USP38: variants seen among roughly 807,000 people sequenced by gnomAD.
The protein encoded by USP38 is ubiquitin carboxyl-terminal hydrolase 38.
In USP38, 49 loss-of-function variants were observed where a neutral mutation model predicts 94.3. The observed-to-expected ratio is 0.52, with a 90% CI of 0.41 to 0.66. USP38 has a LOEUF of 0.66. Among genes scored for constraint, USP38 ranks in the 30% least tolerant of loss-of-function variants. The probability of loss-of-function intolerance (pLI) is 0.00; values close to 1 mark genes in which losing one functional copy is unlikely to be tolerated. For synonymous variants in USP38, 468 were observed against 463.6 expected (o/e 1.01, Z -0.12); for missense variants, 1,128 against 1,229.4 (o/e 0.92, Z 1.23).
At chr4:143,189,321 T>C (rs1016380097) in intron 2 of USP38, among the ~76,000 whole-genome samples, 6 of 152,100 alleles carry the variant, frequency 3.9e-5, no homozygotes, top group African/African-American at 1.2e-4. Context: ...TTTTTGTGTC[T>C]GTCTGTTCTT....
chr4:143,192,267 C>T (rs1358866294), intron 2 of USP38, among the ~76,000 whole-genome samples: 2 of 152,114 alleles, frequency 1.3e-5, no homozygotes, highest in African/African-American at 4.8e-5. Context: ...TATTTATGAA[C>T]AACAGAAATT....
rs769469452 is a variant in USP38, at chr4:143,206,140, A to G, written c.1317A>G (p.Lys439=). 3.1e-6 allele frequency: 5 copies of G among 1,613,806 alleles called. No homozygotes were observed. In the East Asian group the frequency reaches 8.9e-5, roughly 29 times the overall value. The change falls in exon 6 of 10, where the codon AAA becomes AAG. Residue 439 remains lysine (K), a synonymous_variant. Transcript: ENST00000307017. ...LASCLSRLSG[K]SETGKTGLIN... ...CTTGCTTGTCTAGACTTTCTGGAAA[A>G]TCTGAAACTGGGAAAACTGGTCTTA...
chr4:143,220,566 T>C lies in USP38; in HGVS notation c.*110T>C. 9.1e-7 allele frequency: 1 copy of C among 1,096,012 alleles called. No individual in the cohort carries two copies. The highest frequency in any genetic ancestry group is 1.2e-6 in the Non-Finnish European group (1 of 832,312). 67.9% of individuals were successfully genotyped at this position (1,096,012 alleles called of 1,614,324 possible). A position where few individuals can be genotyped will look rare whatever the true frequency, so the allele number is the denominator to read the frequency against. On this transcript the variant is annotated 3_prime_UTR_variant, in exon 10 of 10. Transcript: ENST00000307017. ...TTTATTTTTCATTAGACCCTTATAC[T>C]TCAAGAGAACACACTCAGTGCTTGT...
intron 2 of USP38, among the ~76,000 whole-genome samples, chr4:143,193,556 T>C (rs930578581): frequency 2.0e-5 from 3 of 152,216 alleles, no homozygotes; most frequent in African/African-American, 7.2e-5. Flanking sequence ...TAATCACTTG[T>C]AACCATCATT....
At chr4:143,201,332 G>C (rs923623874) in intron 4 of USP38, among the ~76,000 whole-genome samples, 1 of 152,170 alleles carries the variant, frequency 6.6e-6, no homozygotes. Context: ...GCCATATGAA[G>C]AAGATTGAAG....
intron 8 of USP38, 143 bp from the exon 9 acceptor site, chr4:143,213,438 T>A (rs1732083027): frequency 1.0e-6 from 1 of 963,058 alleles, no homozygotes; most frequent in South Asian, 2.3e-5. Flanking sequence ...ACTGTTCAAT[T>A]TTCTTTTAAT....
intron 2 of USP38, among the ~76,000 whole-genome samples, chr4:143,194,230 G>A (rs1011063161): frequency 2.6e-5 from 4 of 152,174 alleles, no homozygotes; most frequent in African/African-American, 4.8e-5. Context: ...GTGGAAGAGA[G>A]GCATTCACAA....
At chr4:143,194,154 T>C (rs1235921045) in intron 2 of USP38, among the ~76,000 whole-genome samples, 2 of 152,268 alleles carry the variant, frequency 1.3e-5, no homozygotes, top group Non-Finnish European at 2.9e-5. Flanking sequence ...ATTTATGTCC[T>C]TAGTGTTTAT....
At chr4:143,199,662 A>C (rs1347749282) in intron 4 of USP38, among the ~76,000 whole-genome samples, 1 of 151,978 alleles carries the variant, frequency 6.6e-6, no homozygotes. Flanking sequence ...TTGACTTTTT[A>C]ATGATAGCCA....
rs530519401 is a variant in USP38 at position 143,214,994 on chromosome 4, C to T, written c.2967+51C>T. On this transcript the variant is annotated intron_variant, in intron 9 of 9. Coordinates refer to ENST00000307017, the MANE Select transcript of USP38 (RefSeq NM_032557.6). ...TGTTGAAAATATTAAACAATTGACA[C>T]AGTTAAATGAGTACCCTCATTTTGA... 4.6e-5 allele frequency: 69 copies of T among 1,516,308 alleles called. No individual in the cohort carries two copies. The East Asian group carries it at 1.1e-3, about 24-fold the overall frequency. The allele number at this position is 1,516,308 out of a possible 1,614,324, so 93.9% of individuals were successfully genotyped here.
chr4:143,213,788 G>A lies in USP38; in HGVS notation c.1812G>A (p.Arg604=). The change falls in exon 9 of 10, where the codon AGG becomes AGA. Residue 604 remains arginine, a synonymous_variant. Transcript: ENST00000307017. ...LRTHIRCLNC[R]STSQKVEAFT... ...CTCACATACGTTGTTTGAACTGCAG[G>A]AGTACCTCACAAAAAGTGGAAGCCT... 6.2e-7 allele frequency: 1 copy of A among 1,613,798 alleles called. No homozygotes were observed. Among genetic ancestry groups the A allele is most frequent in the East Asian group, 2.2e-5 (1 of 44,864 alleles).
intron 7 of USP38, among the ~76,000 whole-genome samples, chr4:143,211,642 C>T (rs1732027361): frequency 6.6e-6 from 1 of 152,144 alleles, no homozygotes; most frequent in African/African-American, 2.4e-5. Context: ...CAAGAGAATT[C>T]CAAAGTTTCA....
At chr4:143,204,200 A>G (rs1302421185) in intron 5 of USP38, among the ~76,000 whole-genome samples, 1 of 151,950 alleles carries the variant, frequency 6.6e-6, no homozygotes, top group African/African-American at 2.4e-5. Context: ...GGCTGGTCTG[A>G]AACTCCTGAC....
chr4:143,186,451 G>A (rs1227118651), intron 1 of USP38, among the ~76,000 whole-genome samples: 1 of 152,182 alleles, frequency 6.6e-6, no homozygotes, highest in Non-Finnish European at 1.5e-5. Flanking sequence ...ACTGCAGAAA[G>A]CTTCCATTCA....
At chr4:143,206,471 C>G (rs1346170128) in intron 6 of USP38, among the ~76,000 whole-genome samples, 1 of 152,108 alleles carries the variant, frequency 6.6e-6, no homozygotes, top group Non-Finnish European at 1.5e-5. Flanking sequence ...GGGTGGATAG[C>G]TTGAGGTCAG....
chr4:143,216,690 A>G (rs1218113686), intron 9 of USP38, among the ~76,000 whole-genome samples: 1 of 152,066 alleles, frequency 6.6e-6, no homozygotes, highest in Non-Finnish European at 1.5e-5. Flanking sequence ...TACCCAGGCT[A>G]GTCTCAAACT....
rs1233328542 is a variant in USP38, at chr4:143,185,012, C to G, written c.-439C>G. ...CAGCGCCTCCTGACTCAGCCCAGGA[C>G]CGGCTTCTTCTCACGACCTGCTGGA... On this transcript the variant is annotated 5_prime_UTR_variant, in exon 1 of 10. Coordinates refer to ENST00000307017, the MANE Select transcript of USP38 (RefSeq NM_032557.6). 6.1e-6 allele frequency: 1 copy of G among 163,712 alleles called. No homozygotes were observed. Among genetic ancestry groups the G allele is most frequent in the Non-Finnish European group, 1.3e-5 (1 of 76,310 alleles). The allele number at this position is 163,712 out of a possible 1,614,324, so 10.1% of individuals were successfully genotyped here.
At position 143,213,609 on chromosome 4, in the gene USP38, G is replaced by A. The variant is rs1286650324; in HGVS notation, c.1633G>A (p.Val545Ile). The A allele has an allele frequency of 1.2e-6, 2 of 1,610,730 alleles. No individual in the cohort carries two copies. Among genetic ancestry groups the A allele is most frequent in the East Asian group, 2.2e-5 (1 of 44,764 alleles). ...CCATGAAGAAGAAAAGATCTTGAAA[G>A]TTCAGGCCTCACACAAGCCTTCTGA... is the stretch of plus-strand genomic sequence containing the variant. Reference protein sequence around the residue: ...RLHEEEKILKVQASHKPSEIL... With the variant: ...RLHEEEKILKIQASHKPSEIL... Residue 545 changes from valine to isoleucine, a missense_variant, in exon 9 of 10, where the codon GTT becomes ATT. Physicochemically the swap from Val to Ile is conservative, Grantham distance 29. Transcript: ENST00000307017.
intron 9 of USP38, among the ~76,000 whole-genome samples, chr4:143,217,353 T>G (rs1453590921): frequency 1.3e-5 from 2 of 152,224 alleles, no homozygotes; most frequent in Non-Finnish European, 2.9e-5. Flanking sequence ...TGTGTTTTCA[T>G]TCTATCATTT....
Sources: allele counts gnomAD v4.1 joint callset (sites outside exome capture counted in the v4.1 genomes callset), GRCh38; gene constraint gnomAD v4.1.1; transcripts MANE v1.5; gene names NCBI Gene and HGNC (gene_info 2026-07-23, HGNC 2026-07-21).